Variants in ARHGAP32 observed in about 807,000 individuals in gnomAD.
ARHGAP32 encodes the protein rho GTPase-activating protein 32.
ARHGAP32 carries 51 observed loss-of-function variants against 186.5 expected under a neutral mutation model. The ratio of observed to expected loss-of-function variants is 0.27; its 90% CI spans 0.22 to 0.35. The LOEUF (loss-of-function observed/expected upper bound fraction) is 0.35. Ranked by LOEUF, ARHGAP32 falls within the 10% of genes least tolerant of loss-of-function variation. ARHGAP32 has a pLI of 1.00. For synonymous variants in ARHGAP32, 950 were observed against 964.3 expected (o/e 0.99, Z 0.27); for missense variants, 2,186 against 2,623.5 (o/e 0.83, Z 3.64).
intron 12 of ARHGAP32, 139 bp from the exon 13 acceptor site, chr11:128,988,264 C>A: frequency 1.7e-6 from 1 of 603,992 alleles, no homozygotes; most frequent in African/African-American, 1.8e-5. Flanking sequence ...AATTAATCCA[C>A]TACAAAAAAT....
chr11:129,002,846 T>C (rs1937598840), intron 11 of ARHGAP32, among the ~76,000 whole-genome samples: 1 of 141,104 alleles, frequency 7.1e-6, no homozygotes, highest in Admixed American at 7.7e-5. Context: ...TCTCGCTCTG[T>C]CACCCAGGCT....
chr11:129,103,188 G>A (rs559211351), intron 5 of ARHGAP32, among the ~76,000 whole-genome samples: 1 of 152,152 alleles, frequency 6.6e-6, no homozygotes, highest in Middle Eastern at 3.4e-3. Context: ...ACTTACAGCA[G>A]TCAAAAGAAA....
At chr11:129,247,726 A>AT (rs1276761787) in intron 1 of ARHGAP32, among the ~76,000 whole-genome samples, 2 of 152,198 alleles carry the variant, frequency 1.3e-5, no homozygotes, top group Non-Finnish European at 2.9e-5. Context: ...TGTTTTCAGG[A>AT]TAAAAAAAAC....
intron 1 of ARHGAP32, among the ~76,000 whole-genome samples, chr11:129,262,243 C>T (rs1308456203): frequency 6.6e-6 from 1 of 151,946 alleles, no homozygotes; most frequent in African/African-American, 2.4e-5. Context: ...TAATTCCTAA[C>T]AATATAAATG....
chr11:129,225,092 T>C (rs1944762346), intron 1 of ARHGAP32, among the ~76,000 whole-genome samples: 1 of 152,018 alleles, frequency 6.6e-6, no homozygotes, highest in Non-Finnish European at 1.5e-5. Context: ...GAGTGAAGGG[T>C]GAGAGCCTGT....
chr11:128,987,060 C>G (rs749311504), intron 13 of ARHGAP32, among the ~76,000 whole-genome samples: 10 of 152,136 alleles, frequency 6.6e-5, no homozygotes, highest in Non-Finnish European at 8.8e-5. Context: ...CAATTATGAG[C>G]AGAAATTCCT....
At chr11:129,130,770 A>G (rs986891309) in intron 2 of ARHGAP32, among the ~76,000 whole-genome samples, 50 of 152,304 alleles carry the variant, frequency 3.3e-4, no homozygotes, top group African/African-American at 9.4e-4. Flanking sequence ...GCCATTTGGG[A>G]AATTGTATGA....
rs564806533 is a variant in ARHGAP32 at position 129,232,885 on chromosome 11, TTC to T, written c.-5+46259_-5+46260del. ...CTTTCCGCTACCAGCCTGAGAAAAC[TTC>T]TCTTTTACTTCCCTCTCTCTTCCAC... On this transcript the variant is annotated intron_variant, in intron 1 of 6. Coordinates refer to the ARHGAP32 transcript ENST00000525234. Among the ~76,000 whole-genome samples the T allele has an allele frequency of 1.5e-3, 229 of 152,268 alleles. 1 individual carries two copies. Among genetic ancestry groups the T allele is most frequent in the Admixed American group, 0.011 (169 of 15,298 alleles).
rs946838741 is a variant in ARHGAP32 at position 128,969,679 on chromosome 11, T to G, written c.5534A>C (p.His1845Pro). The change falls in exon 23 of 23, where the codon CAT (histidine) becomes CCT (proline). Residue 1845 changes from histidine to proline, a missense_variant. Coordinates refer to ENST00000682385, the MANE Select transcript of ARHGAP32 (RefSeq NM_001378024.1). The surrounding 1 kb of genome is among the most constrained non-coding windows in gnomAD (Gnocchi z 4.8). Reference sequence around the variant, plus strand: ...GGCTCTGTCCATCTCTGCCTCGGGATGCCTCCTATAGAAGCGGTCCTCTCC... The same window carrying G: ...GGCTCTGTCCATCTCTGCCTCGGGAGGCCTCCTATAGAAGCGGTCCTCTCC... ...PEGEDRFYRRHPEAEMDRAHH... is the reference protein window; with the variant it reads ...PEGEDRFYRRPPEAEMDRAHH... 1.2e-6 allele frequency: 2 copies of G among 1,614,048 alleles called. No individual in the cohort carries two copies. The highest frequency in any genetic ancestry group is 1.3e-5 in the African/African-American group (1 of 74,926).
At chr11:129,066,585 T>C in intron 7 of ARHGAP32, 146 bp downstream of exon 7, 1 of 608,746 alleles carries the variant, frequency 1.6e-6, no homozygotes, top group East Asian at 2.9e-5. Context: ...TATTTAACAT[T>C]ACTAACTTTT....
intron 11 of ARHGAP32, among the ~76,000 whole-genome samples, chr11:129,002,378 T>C (rs1399935808): frequency 6.6e-6 from 1 of 152,228 alleles, no homozygotes; most frequent in Non-Finnish European, 1.5e-5. Context: ...GCTTTCTTGA[T>C]TTCTTTTTCA....
At chr11:129,164,727 A>G (rs1028088338) in intron 1 of ARHGAP32, among the ~76,000 whole-genome samples, 18 of 152,202 alleles carry the variant, frequency 1.2e-4, no homozygotes, top group African/African-American at 3.9e-4. Flanking sequence ...TGAACCTTGA[A>G]AAGATTTGCA....
intron 1 of ARHGAP32, among the ~76,000 whole-genome samples, chr11:129,179,771 A>C (rs887214849): frequency 3.3e-5 from 5 of 150,972 alleles, no homozygotes; most frequent in African/African-American, 7.3e-5. Flanking sequence ...AGGAAGGGGA[A>C]CATCACACTC....
chr11:129,244,116 T>C (rs1945055291), intron 1 of ARHGAP32, among the ~76,000 whole-genome samples: 1 of 152,202 alleles, frequency 6.6e-6, no homozygotes, highest in East Asian at 1.9e-4. Context: ...AAATACCAGA[T>C]ACTATTCAAA....
chr11:129,247,265 C>A (rs1422029281), intron 1 of ARHGAP32, among the ~76,000 whole-genome samples: 3 of 152,136 alleles, frequency 2.0e-5, no homozygotes, highest in Non-Finnish European at 2.9e-5. Context: ...GATGTGCAGA[C>A]CCAGTTTTGT....
intron 5 of ARHGAP32, among the ~76,000 whole-genome samples, chr11:129,107,596 T>G (rs1432453727): frequency 6.6e-6 from 1 of 152,124 alleles, no homozygotes; most frequent in Non-Finnish European, 1.5e-5. Context: ...GGGCCGGACG[T>G]GGTGGCTCAC....
chr11:129,180,709 T>C (rs1201465642), intron 1 of ARHGAP32, among the ~76,000 whole-genome samples: 2 of 152,154 alleles, frequency 1.3e-5, no homozygotes, highest in Non-Finnish European at 2.9e-5. Context: ...AAAAAAGCTG[T>C]AGTTAAGGGC....
chr11:129,265,946 C>G (rs4567474), intron 1 of ARHGAP32, among the ~76,000 whole-genome samples: 132,436 of 152,170 alleles, frequency 0.87, 57,859 homozygotes, highest in African/African-American at 0.94. Context: ...TCAAGATGCT[C>G]CATCAATTGG....
intron 5 of ARHGAP32, among the ~76,000 whole-genome samples, chr11:129,104,671 GAAGAA>G (rs887197253): frequency 6.6e-6 from 1 of 151,142 alleles, no homozygotes; most frequent in African/African-American, 2.4e-5. Context: ...AAGGAGATAA[GAAGAA>G]AAGAAAAAAC....
Sources: gnomAD v4.1 joint callset for allele counts (sites outside exome capture counted in the v4.1 genomes callset) on GRCh38, gnomAD v4.1.1 for gene constraint, Gnocchi (gnomAD v3.1) non-coding constraint, MANE v1.5 for transcripts, NCBI Gene and HGNC (gene_info 2026-07-23, HGNC 2026-07-21) for gene names.